The following C16orf96 variants were observed in gnomAD, a reference collection of about 807,000 sequenced individuals.
The protein encoded by C16orf96 is uncharacterized protein C16orf96.
Under a neutral mutation model 103.6 loss-of-function variants are expected in C16orf96, and 108 were observed. The ratio of observed to expected loss-of-function variants is 1.04; its 90% CI spans 0.89 to 1.22. C16orf96 has a LOEUF of 1.22. C16orf96 is among the 50% of genes most tolerant of loss of function. The pLI, the probability that C16orf96 is intolerant of heterozygous loss-of-function variation, is 0.00. For synonymous variants in C16orf96, 566 were observed against 593.5 expected (o/e 0.95, Z 0.67); for missense variants, 1,586 against 1,464.2 (o/e 1.08, Z -1.36).
intron 5 of C16orf96, among the ~76,000 whole-genome samples, chr16:4,576,840 G>A (rs2141723663): frequency 6.6e-6 from 1 of 152,320 alleles, no homozygotes; most frequent in East Asian, 1.9e-4. Context: ...TCTTAGGGCA[G>A]GGAGGCTGTT....
chr16:4,550,637 A>G, the C16orf96 span, among the ~76,000 whole-genome samples: 1 of 152,072 alleles, frequency 6.6e-6, no homozygotes, highest in Non-Finnish European at 1.5e-5. Flanking sequence ...GAACCTGCAA[A>G]TGTTTACCTC....
At chr16:4,557,827 A>G (rs1442642509) in intron 1 of C16orf96, among the ~76,000 whole-genome samples, 1 of 151,972 alleles carries the variant, frequency 6.6e-6, no homozygotes, top group Non-Finnish European at 1.5e-5. Flanking sequence ...GCACCACTGC[A>G]CCTGGCTAAT....
chr16:4,589,238 C>G (rs540146973), intron 9 of C16orf96, among the ~76,000 whole-genome samples: 3 of 152,034 alleles, frequency 2.0e-5, no homozygotes, highest in African/African-American at 7.3e-5. Flanking sequence ...GCTTGTGTAA[C>G]CTACAGGATA....
At chr16:4,552,221 C>T (rs995431264), upstream of C16orf96, among the ~76,000 whole-genome samples, 1 of 152,102 alleles carries the variant, frequency 6.6e-6, no homozygotes, top group African/African-American at 2.4e-5. Context: ...GTGGCTCACG[C>T]CTGTAATCCC....
intron 5 of C16orf96, among the ~76,000 whole-genome samples, chr16:4,578,716 C>G (rs1301364323): frequency 6.6e-6 from 1 of 152,094 alleles, no homozygotes; most frequent in Non-Finnish European, 1.5e-5. Context: ...CGAGATCGCG[C>G]CACTGCACTC....
chr16:4,576,040 G>C lies in C16orf96; in HGVS notation c.1560G>C (p.Lys520Asn), dbSNP rs559363631. 27 of 1,551,308 alleles carry C rather than the reference G, an allele frequency of 1.7e-5. 1 individual carries two copies. In the African/African-American group the frequency reaches 3.7e-4, roughly 21 times the overall value. ...KDRGGKDVDP[K>N]DRAHKDDVPK... Reference sequence around the variant, plus strand: ...GAGGTGGCAAGGATGTGGACCCCAAGGATAGAGCTCACAAGGATGATGTCC... The same window carrying C: ...GAGGTGGCAAGGATGTGGACCCCAACGATAGAGCTCACAAGGATGATGTCC... Residue 520 changes from lysine (K) to asparagine (N), a missense_variant, in exon 5 of 16, where the codon AAG becomes AAC. Physicochemically the swap from Lys to Asn is moderately conservative, Grantham distance 94. Transcript: ENST00000444310.
chr16:4,568,464 T>C (rs1246386721), intron 1 of C16orf96, among the ~76,000 whole-genome samples: 2 of 151,998 alleles, frequency 1.3e-5, no homozygotes, highest in Admixed American at 1.3e-4. Context: ...TTGTTAATTT[T>C]ATTTATTTTA....
chr16:4,594,899 A>G (rs1897139607), intron 14 of C16orf96, 96 bp downstream of exon 14: 8 of 1,307,832 alleles, frequency 6.1e-6, no homozygotes, highest in Non-Finnish European at 8.5e-6. Context: ...AGCCAGCACT[A>G]TCCCTGACCG....
In C16orf96 at chr16:4,592,298, C is replaced by G; in HGVS notation, c.2712-7C>G. On this transcript the variant is annotated splice_region_variant and splice_polypyrimidine_tract_variant and intron_variant, in intron 10 of 15. Coordinates refer to ENST00000444310, the MANE Select transcript of C16orf96 (RefSeq NM_001145011.2). ...GGGGCAGCGGCTGATGATCATGTGC[C>G]TTTCAGGAAGCTGTTCAAGCGCGTG... 6.4e-7 allele frequency: 1 copy of G among 1,551,618 alleles called. No homozygotes were observed. The highest frequency in any genetic ancestry group is 8.7e-7 in the Non-Finnish European group (1 of 1,146,978).
Position 4,575,043 on chromosome 16 carries a change from T to C in C16orf96, c.678T>C (p.Asp226=), listed in dbSNP as rs2059484440. The C allele has an allele frequency of 1.3e-6, 2 of 1,551,440 alleles. No homozygotes were observed. Among genetic ancestry groups the C allele is most frequent in the Non-Finnish European group, 1.7e-6 (2 of 1,146,980 alleles). The stretch of plus-strand genomic sequence containing the variant: ...TGGTGCTCTGGAGTGGCCTTCATGA[T>C]GCCATGTTCACCTCAGTGAGTGAGG... ...EDMVLWSGLH[D]AMFTSEIGSS... Residue 226 remains aspartate (D), a synonymous_variant, in exon 4 of 16, where the codon GAT becomes GAC. Transcript: ENST00000444310.
chr16:4,593,191 CACAGCCCCTGCTGTGCCCTTGTCCTCCA>C lies in C16orf96; in HGVS notation c.2775-28_2775-1del, dbSNP rs1245485910. The C allele has an allele frequency of 3.9e-6, 6 of 1,546,180 alleles. No homozygotes were observed. Among genetic ancestry groups the C allele is most frequent in the African/African-American group, 1.4e-5 (1 of 72,932 alleles). On this transcript the variant is annotated splice_polypyrimidine_tract_variant and splice_region_variant and intron_variant, in intron 11 of 15. Transcript: ENST00000444310. This position sits in a 1 kb window ranked among gnomAD's most constrained non-coding sequence, Gnocchi z 4.2. ...CCCTCTGCTGGCCTAGCACGCCTCC[CACAGCCCCTGCTGTGCCCTTGTCCTCCA>C]ACAGACAGCTGATCACCATCCGCAA...
intron 9 of C16orf96, 70 bp from the exon 10 acceptor site, chr16:4,591,596 C>T: frequency 7.7e-7 from 1 of 1,296,302 alleles, no homozygotes; most frequent in Non-Finnish European, 1.1e-6. Flanking sequence ...TGCTGCAACC[C>T]TCTTCTGGAA....
Position 4,591,780 on chromosome 16 carries a change from A to C in C16orf96, c.2707A>C (p.Arg903=), listed in dbSNP as rs1897065037. The part of the protein sequence containing the change: ...RLDPDSAAGF[R]RKLFKRVKCI... ...GGATCCTGACAGTGCTGCTGGCTTT[A>C]GGAGGTGAGTGCCCGCCCGAGCCCC... is the stretch of plus-strand genomic sequence containing the variant. Residue 903 remains arginine (R), a synonymous_variant, in exon 10 of 16, where the codon AGG becomes CGG. Transcript: ENST00000444310. 6.5e-7 allele frequency: 1 copy of C among 1,547,134 alleles called. No individual in the cohort carries two copies. The highest frequency in any genetic ancestry group is 8.7e-7 in the Non-Finnish European group (1 of 1,145,584).
chr16:4,562,557 AT>A (rs2059343997), intron 1 of C16orf96, among the ~76,000 whole-genome samples: 1 of 150,798 alleles, frequency 6.6e-6, no homozygotes, highest in African/African-American at 2.4e-5. Flanking sequence ...GTTTGTCTTT[AT>A]TTTTTAAGAT....
the C16orf96 span, among the ~76,000 whole-genome samples, chr16:4,546,425 T>C: frequency 3.3e-5 from 5 of 150,470 alleles, no homozygotes; most frequent in Non-Finnish European, 5.9e-5. Flanking sequence ...CCCAGAGTGC[T>C]GCGATTACAG....
At chr16:4,578,633 C>G (rs1364799889) in intron 5 of C16orf96, among the ~76,000 whole-genome samples, 1 of 152,000 alleles carries the variant, frequency 6.6e-6, no homozygotes, top group Non-Finnish European at 1.5e-5. Context: ...TGGCGTGTGC[C>G]TGTAATCCCA....
At chr16:4,571,817 C>T (rs1236343212) in intron 2 of C16orf96, among the ~76,000 whole-genome samples, 152 bp downstream of exon 2, 1 of 150,476 alleles carries the variant, frequency 6.6e-6, no homozygotes, top group Non-Finnish European at 1.5e-5. Flanking sequence ...CCAGTGCCAC[C>T]GACTTCTCTG....
intron 7 of C16orf96, among the ~76,000 whole-genome samples, chr16:4,585,806 A>G (rs1896912318): frequency 6.6e-6 from 1 of 152,134 alleles, no homozygotes; most frequent in Admixed American, 6.6e-5. Context: ...ACTTGGATGG[A>G]GGCCGGGGTC....
intron 14 of C16orf96, among the ~76,000 whole-genome samples, chr16:4,596,987 A>T (rs1897186152): frequency 6.6e-6 from 1 of 152,194 alleles, no homozygotes; most frequent in South Asian, 2.1e-4. Flanking sequence ...GACCTAACCC[A>T]GGATGATCTC....
Sources: gnomAD v4.1 joint callset for allele counts (sites outside exome capture counted in the v4.1 genomes callset) on GRCh38, gnomAD v4.1.1 for gene constraint, Gnocchi (gnomAD v3.1) non-coding constraint, MANE v1.5 for transcripts, NCBI Gene and HGNC (gene_info 2026-07-23, HGNC 2026-07-21) for gene names.